The following DLGAP4 variants were observed in gnomAD, a reference collection of about 807,000 sequenced individuals.
DLGAP4 encodes the protein disks large-associated protein 4.
Under a neutral mutation model 86.9 loss-of-function variants are expected in DLGAP4, and 18 were observed. That is an observed-to-expected ratio of 0.21 (90% CI 0.14 to 0.31). The LOEUF (loss-of-function observed/expected upper bound fraction) is 0.31, where lower values mean the gene tolerates loss of function less well. Ranked by LOEUF, DLGAP4 falls within the 10% of genes least tolerant of loss-of-function variation. DLGAP4 has a pLI of 1.00. For missense variants in DLGAP4, 1,085 were observed against 1,362.6 expected (o/e 0.80, Z 3.21); for synonymous variants, 548 against 574.3 (o/e 0.95, Z 0.65).
chr20:36,475,747 ACT>A (rs989413654), intron 7 of DLGAP4, among the ~76,000 whole-genome samples: 2 of 152,262 alleles, frequency 1.3e-5, no homozygotes, highest in African/African-American at 2.4e-5. Context: ...TTTATTTGTG[ACT>A]TTTAGGTTTG....
chr20:36,393,403 T>C lies in DLGAP4; in HGVS notation c.-73+26128T>C, dbSNP rs2425246. Among the ~76,000 whole-genome samples the C allele has an allele frequency of 0.64, 96,926 of 151,914 alleles. 31,121 individuals carry two copies. The highest frequency in any genetic ancestry group is 0.82 in the South Asian group (3,932 of 4,816). ...CTCAGCTTCCTCATCTGGTAAACAATAAAATTAATCCCTGTCCCCCGGCTG... is the reference window on the plus strand; with the variant it reads ...CTCAGCTTCCTCATCTGGTAAACAACAAAATTAATCCCTGTCCCCCGGCTG... On this transcript the variant is annotated intron_variant, in intron 2 of 12. Coordinates refer to ENST00000339266, the MANE Select transcript of DLGAP4 (RefSeq NM_001365621.2). This position sits in a 1 kb window ranked among gnomAD's most constrained non-coding sequence, Gnocchi z 4.4.
intron 1 of DLGAP4, among the ~76,000 whole-genome samples, chr20:36,337,691 C>G (rs1363635968): frequency 2.6e-5 from 4 of 152,180 alleles, no homozygotes; most frequent in Non-Finnish European, 4.4e-5. Flanking sequence ...TGCTTCCCCC[C>G]CAGGATGTTT....
At chr20:36,482,936 C>T (rs6013518) in intron 7 of DLGAP4, among the ~76,000 whole-genome samples, 10,185 of 152,016 alleles carry the variant, frequency 0.067, 1,194 homozygotes, top group African/African-American at 0.23. Flanking sequence ...CCTCCCAAAT[C>T]GCTGAGATTA....
intron 11 of DLGAP4, among the ~76,000 whole-genome samples, chr20:36,525,212 G>A (rs147626578): frequency 0.017 from 897 of 52,266 alleles, 18 homozygotes; most frequent in African/African-American, 0.072. Context: ...GCGAGACTCC[G>A]TCTCAAAAAA....
In DLGAP4 at chr20:36,499,577, C is replaced by T; in HGVS notation, c.2011-11C>T. The T allele has an allele frequency of 1.2e-6, 2 of 1,613,536 alleles. No homozygotes were observed. The highest frequency in any genetic ancestry group is 2.2e-5 in the East Asian group (1 of 44,884). ...GTCTCCGTGCCGTTGCTGTCGTTGT[C>T]CTTCAATAAGGTTGACTGCATTCAG... is the stretch of plus-strand genomic sequence containing the variant. On this transcript the variant is annotated splice_polypyrimidine_tract_variant and intron_variant, in intron 8 of 12. Transcript: ENST00000339266.
chr20:36,312,153 C>T (rs1040057380), intron 1 of DLGAP4, among the ~76,000 whole-genome samples: 5 of 152,312 alleles, frequency 3.3e-5, no homozygotes, highest in African/African-American at 1.2e-4. Flanking sequence ...ACTGTGGCCT[C>T]TCTCCCGGCT....
chr20:36,380,660 A>G (rs1331401653), intron 2 of DLGAP4, among the ~76,000 whole-genome samples: 5 of 121,476 alleles, frequency 4.1e-5, no homozygotes, highest in Non-Finnish European at 8.4e-5. Flanking sequence ...AGAGAGAGAG[A>G]GAGAATCTCA....
At chr20:36,355,307 T>C (rs1555893754) in intron 1 of DLGAP4, among the ~76,000 whole-genome samples, 1 of 151,806 alleles carries the variant, frequency 6.6e-6, no homozygotes, top group African/African-American at 2.4e-5. Context: ...TCTTTTTTTT[T>C]TTTTTTAAGA....
chr20:36,512,116 T>A (rs1406625672), intron 10 of DLGAP4, among the ~76,000 whole-genome samples: 1 of 147,458 alleles, frequency 6.8e-6, no homozygotes, highest in Non-Finnish European at 1.5e-5. Flanking sequence ...AGTGGCGTGA[T>A]CTCGGCTCAC....
At chr20:36,446,479 CATT>C (rs1181794743) in intron 6 of DLGAP4, among the ~76,000 whole-genome samples, 1 of 152,182 alleles carries the variant, frequency 6.6e-6, no homozygotes, top group Non-Finnish European at 1.5e-5. Flanking sequence ...ACTTTGTCCT[CATT>C]ATAGAGATGG....
chr20:36,462,255 C>A (rs546105593), intron 7 of DLGAP4: 2 of 1,253,394 alleles, frequency 1.6e-6, no homozygotes, highest in Admixed American at 9.6e-5. Context: ...TCTGCTTTCC[C>A]CTGGTTTGTC....
At chr20:36,464,168 C>G (rs1361976026) in intron 7 of DLGAP4, among the ~76,000 whole-genome samples, 1 of 152,170 alleles carries the variant, frequency 6.6e-6, no homozygotes, top group Non-Finnish European at 1.5e-5. Context: ...CACATCTCAC[C>G]CACTTTTAGG....
chr20:36,499,998 C>T (rs946229101), intron 9 of DLGAP4, among the ~76,000 whole-genome samples: 13 of 151,934 alleles, frequency 8.6e-5, no homozygotes, highest in Non-Finnish European at 1.8e-4. Context: ...TGTGTGTGTG[C>T]GTGTGGGCTT....
chr20:36,502,968 G>A (rs1002538733), intron 10 of DLGAP4, among the ~76,000 whole-genome samples: 5 of 151,976 alleles, frequency 3.3e-5, no homozygotes, highest in Non-Finnish European at 5.9e-5. Context: ...CAGATAATCC[G>A]CCCGGCTTGG....
At chr20:36,318,873 C>T (rs977392681) in intron 1 of DLGAP4, among the ~76,000 whole-genome samples, 1 of 152,240 alleles carries the variant, frequency 6.6e-6, no homozygotes, top group Non-Finnish European at 1.5e-5. Flanking sequence ...AAGGCAGGCG[C>T]GGTGGCTCAC....
intron 1 of DLGAP4, among the ~76,000 whole-genome samples, chr20:36,317,290 T>TA (rs1569452685): frequency 2.1e-3 from 191 of 93,134 alleles, no homozygotes; most frequent in Non-Finnish European, 2.7e-3. Context: ...CTTTCTTTCT[T>TA]TCTTATCTTT....
Position 36,527,121 on chromosome 20 carries a change from G to A in DLGAP4, c.*90G>A. On this transcript the variant is annotated 3_prime_UTR_variant, in exon 13 of 13. Coordinates refer to ENST00000339266, the MANE Select transcript of DLGAP4 (RefSeq NM_001365621.2). ...ACAGAGTTTTCTCAACCTTTGCTAT[G>A]GTTATTCTGTCTAGAGACCCTGAGC... 7.3e-7 allele frequency: 1 copy of A among 1,367,394 alleles called. No individual in the cohort carries two copies. The highest frequency in any genetic ancestry group is 2.8e-5 in the Admixed American group (1 of 36,262). 84.7% of individuals were successfully genotyped at this position (1,367,394 alleles called of 1,614,324 possible).
intron 1 of DLGAP4, among the ~76,000 whole-genome samples, chr20:36,357,699 T>A (rs2147398201): frequency 6.6e-6 from 1 of 152,264 alleles, no homozygotes; most frequent in South Asian, 2.1e-4. Context: ...GGAGAATGGT[T>A]CCGAGAAAAG....
At position 36,308,507 on chromosome 20, in the gene DLGAP4, C is replaced by T. The variant is rs2065025659; in HGVS notation, c.-304+1995C>T. 6.6e-6 allele frequency among the ~76,000 whole-genome samples: 1 copy of T among 152,204 alleles called. No homozygotes were observed. Among genetic ancestry groups the T allele is most frequent in the Non-Finnish European group, 1.5e-5 (1 of 68,040 alleles). On this transcript the variant is annotated intron_variant, in intron 1 of 12. Transcript: ENST00000339266. The surrounding 1 kb of genome is among the most constrained non-coding windows in gnomAD (Gnocchi z 4.5). ...GTGCCCCGGGCGTGAAGCTGCCTGG[C>T]AGCTGAGTTGGTGTTTTTGAAGGAA...
Sources: gnomAD v4.1 joint callset for allele counts (sites outside exome capture counted in the v4.1 genomes callset) on GRCh38, gnomAD v4.1.1 for gene constraint, Gnocchi (gnomAD v3.1) non-coding constraint, MANE v1.5 for transcripts, NCBI Gene and HGNC (gene_info 2026-07-23, HGNC 2026-07-21) for gene names.